The following ADGRG1 variants were observed in gnomAD, a reference collection of about 807,000 sequenced individuals.
ADGRG1 encodes the protein 7-transmembrane protein with no EGF-like N-terminal domains-1.
ADGRG1 carries 53 observed loss-of-function variants against 73.5 expected under a neutral mutation model. The observed-to-expected ratio is 0.72, with a 90% CI of 0.58 to 0.91. The LOEUF (loss-of-function observed/expected upper bound fraction) is 0.91, where lower values mean the gene tolerates loss of function less well. Among genes scored for constraint, ADGRG1 ranks in the 40% least tolerant of loss-of-function variants. The pLI, the probability that ADGRG1 is intolerant of heterozygous loss-of-function variation, is 0.00. For synonymous variants in ADGRG1, 394 were observed against 374.4 expected, an observed-to-expected ratio of 1.05 and a Z score of -0.60; for missense variants, 795 against 871.8, an observed-to-expected ratio of 0.91 and a Z score of 1.11.
rs75843478 is a variant in ADGRG1 at position 57,659,696 on chromosome 16, G to A, written c.1555+15G>A. 8 of 1,611,896 alleles carry A rather than the reference G, an allele frequency of 5.0e-6. No individual in the cohort carries two copies. The African/African-American group carries it at 8.0e-5, about 16-fold the overall frequency. ...CATGGGCTGGGGTAAGTGGTTGGGC[G>A]GGGGGTGCCTCAGACCTGCCTCTCC... On this transcript the variant is annotated intron_variant, in intron 11 of 13. Coordinates refer to ENST00000562631, the MANE Select transcript of ADGRG1 (RefSeq NM_201525.4).
chr16:57,659,785 T>C, intron 11 of ADGRG1, 104 bp downstream of exon 11: 2 of 1,215,794 alleles, frequency 1.6e-6, no homozygotes, highest in Non-Finnish European at 2.4e-6. Flanking sequence ...CTGACTTCCC[T>C]CCTGGCCTCC....
Position 57,650,338 on chromosome 16 carries a change from C to T in ADGRG1, c.51C>T (p.Leu17=), listed in dbSNP as rs752783011. The T allele has an allele frequency of 1.2e-5, 19 of 1,612,282 alleles. No individual in the cohort carries two copies. Among genetic ancestry groups the T allele is most frequent in the Admixed American group, 3.3e-5 (2 of 60,010 alleles). ...CGACACTGTTCCTGCTGAGTCTGCT[C>T]TTCCTGGTCCAAGGCAGGTCTTCCC... ...LQTTLFLLSL[L]FLVQGAHGRG... is the part of the protein sequence containing the mutation. Residue 17 remains leucine (L), a synonymous_variant, in exon 2 of 14, where the codon CTC becomes CTT. Coordinates refer to ENST00000562631, the MANE Select transcript of ADGRG1 (RefSeq NM_201525.4).
chr16:57,623,379 G>A (rs988728642), upstream of ADGRG1, among the ~76,000 whole-genome samples: 1 of 152,224 alleles, frequency 6.6e-6, no homozygotes, highest in South Asian at 2.1e-4. Flanking sequence ...CAGGGCACCT[G>A]CCGAGGCTCC....
chr16:57,623,669 C>T (rs968568373), upstream of ADGRG1: 30 of 380,688 alleles, frequency 7.9e-5, no homozygotes, highest in South Asian at 6.5e-4. Context: ...GTGGGGGAGG[C>T]GGGCCTAGGG....
Position 57,655,548 on chromosome 16 carries a change from T to C in ADGRG1, c.900+18T>C, listed in dbSNP as rs1464602556. The C allele has an allele frequency of 6.2e-7, 1 of 1,613,392 alleles. No homozygotes were observed. Among genetic ancestry groups the C allele is most frequent in the East Asian group, 2.2e-5 (1 of 44,874 alleles). On this transcript the variant is annotated intron_variant, in intron 6 of 13. Transcript: ENST00000562631. ...TGTTCCAGGTATGGGGTCCTCACCCTCATGCCTCCCAGGAGAAAGCAGTTT... is the reference window on the plus strand; with the variant it reads ...TGTTCCAGGTATGGGGTCCTCACCCCCATGCCTCCCAGGAGAAAGCAGTTT...
chr16:57,630,872 T>C (rs1365704875), intron 1 of ADGRG1: 1 of 815,190 alleles, frequency 1.2e-6, no homozygotes, highest in African/African-American at 1.9e-5. Context: ...TGGGGAACGA[T>C]ACAAGCTGGG....
chr16:57,653,327 C>A lies in ADGRG1; in HGVS notation c.612C>A (p.Pro204=). The change falls in exon 4 of 14, where the codon CCC becomes CCA. Residue 204 remains proline, a synonymous_variant. Transcript: ENST00000562631. ...QKASRRPSAA[P]ASQQLQSLES... is the part of the protein sequence containing the mutation. ...CCTCAAGGAGGCCCTCGGCTGCCCC[C>A]GCCAGCCAGTAAGTTTGGCACCTGG... is the stretch of plus-strand genomic sequence containing the variant. 2.5e-6 allele frequency: 4 copies of A among 1,609,364 alleles called. No homozygotes were observed. The highest frequency in any genetic ancestry group is 3.4e-6 in the Non-Finnish European group (4 of 1,179,886).
At chr16:57,622,614 A>G (rs1358589775) in intron 2 of ADGRG1, 1 of 191,496 alleles carries the variant, frequency 5.2e-6, no homozygotes, top group Non-Finnish European at 9.6e-6. Context: ...AGGGCTTATT[A>G]GAGGTGGCTC....
chr16:57,649,249 C>T (rs2043430620), intron 1 of ADGRG1, among the ~76,000 whole-genome samples: 1 of 152,152 alleles, frequency 6.6e-6, no homozygotes, highest in South Asian at 2.1e-4. Flanking sequence ...GAGGGCGTCG[C>T]GGATGCATTG....
chr16:57,659,477 G>A lies in ADGRG1; in HGVS notation c.1351G>A (p.Asp451Asn). 1.9e-6 allele frequency: 3 copies of A among 1,613,854 alleles called. No homozygotes were observed. Among genetic ancestry groups the A allele is most frequent in the South Asian group, 1.1e-5 (1 of 91,084 alleles). The stretch of plus-strand genomic sequence containing the variant: ...CCTGCTGCTGGCCGTCTTCCTGCTG[G>A]ACACGAGCTTCCTGCTCAGCGAGCC... The part of the protein sequence containing the change: ...MNLLLAVFLL[D>N]TSFLLSEPVA... Residue 451 changes from aspartate to asparagine, a missense_variant, in exon 11 of 14, where the codon GAC (aspartate) becomes AAC (asparagine). Transcript: ENST00000562631.
intron 2 of ADGRG1, 26 bp downstream of exon 2, chr16:57,650,377 G>A: frequency 6.2e-7 from 1 of 1,607,720 alleles, no homozygotes; most frequent in African/African-American, 1.3e-5. Flanking sequence ...GGTGCCCTGG[G>A]CTGTTGGAAC....
intron 1 of ADGRG1, among the ~76,000 whole-genome samples, chr16:57,644,763 C>T (rs1206740278): frequency 2.1e-5 from 3 of 144,080 alleles, no homozygotes; most frequent in Non-Finnish European, 4.6e-5. Context: ...GGCACACACC[C>T]ATGCACACAC....
intron 1 of ADGRG1, chr16:57,634,558 G>A (rs2038882008): frequency 1.2e-6 from 1 of 823,782 alleles, no homozygotes; most frequent in African/African-American, 1.8e-5. Context: ...TGAGGAATCA[G>A]GCCCAAGAGC....
Position 57,651,309 on chromosome 16 carries a change from C to T in ADGRG1, c.174C>T (p.Ile58=), listed in dbSNP as rs140963173. Residue 58 remains isoleucine, a synonymous_variant, in exon 3 of 14, where the codon ATC becomes ATT. Transcript: ENST00000562631. The part of the protein sequence containing the change: ...YKPTPDLRIS[I]ENSEEALTVH... Reference sequence around the variant, plus strand: ...CCACACCAGACCTGCGCATCTCCATCGAGAACTCCGAAGAGGCCCTCACAG... The same window carrying T: ...CCACACCAGACCTGCGCATCTCCATTGAGAACTCCGAAGAGGCCCTCACAG... 852 of 1,614,176 alleles carry T rather than the reference C, an allele frequency of 5.3e-4. 2 individuals carry two copies. In the African/African-American group the frequency reaches 6.2e-3, roughly 12 times the overall value.
At chr16:57,624,989 G>C (rs539683131), upstream of ADGRG1, among the ~76,000 whole-genome samples, 6 of 152,266 alleles carry the variant, frequency 3.9e-5, no homozygotes, top group Non-Finnish European at 7.4e-5. Flanking sequence ...GCTTGCCCAA[G>C]TCATCCAGCT....
rs1435442172 is a variant in ADGRG1 at position 57,657,448 on chromosome 16, G to C, written c.1243G>C (p.Ala415Pro). ...CTCCTACGTGGGCTGTGTCGTCTCT[G>C]CCCTGGCCTGCCTTGTCACCATTGC... Reference protein sequence around the residue: ...LLSYVGCVVSALACLVTIAAY... With the variant: ...LLSYVGCVVSPLACLVTIAAY... Residue 415 changes from alanine (A) to proline (P), a missense_variant, in exon 10 of 14, where the codon GCC becomes CCC. Ala to Pro is a conservative substitution (Grantham distance 27). Transcript: ENST00000562631. 6.8e-6 allele frequency: 11 copies of C among 1,613,974 alleles called. No individual in the cohort carries two copies. The highest frequency in any genetic ancestry group is 9.3e-6 in the Non-Finnish European group (11 of 1,179,976).
chr16:57,631,454 C>T (rs1023292276), intron 1 of ADGRG1: 54 of 985,148 alleles, frequency 5.5e-5, no homozygotes, highest in African/African-American at 1.6e-4. Context: ...TGGAGGAGGC[C>T]GTGGGGAAGT....
upstream of ADGRG1, chr16:57,627,319 C>G (rs1201780483): frequency 2.6e-5 from 4 of 154,570 alleles, no homozygotes; most frequent in African/African-American, 9.6e-5. Flanking sequence ...TCAAGTTCCC[C>G]AAGCATCCAC....
At chr16:57,643,589 G>T (rs921504413) in intron 1 of ADGRG1, 24 of 985,002 alleles carry the variant, frequency 2.4e-5, no homozygotes, top group Non-Finnish European at 2.9e-5. Flanking sequence ...CAGGTCTGGT[G>T]TAAGAGTGTG....
Sources: gnomAD v4.1 joint callset for allele counts (sites outside exome capture counted in the v4.1 genomes callset) on GRCh38, gnomAD v4.1.1 for gene constraint, MANE v1.5 for transcripts, NCBI Gene and HGNC (gene_info 2026-07-23, HGNC 2026-07-21) for gene names.